Variants in MARCHF10 observed in about 807,000 individuals in gnomAD.
MARCHF10 encodes membrane associated ring-CH-type finger 10.
MARCHF10 carries 64 observed loss-of-function variants against 76.2 expected under a neutral mutation model. That is an observed-to-expected ratio of 0.84 (90% CI 0.69 to 1.03). MARCHF10 has a LOEUF of 1.03. MARCHF10 is among the 50% of genes least tolerant of loss of function. The pLI is 0.00. For missense variants in MARCHF10, 875 were observed against 958.0 expected (o/e 0.91, Z 1.14); for synonymous variants, 340 against 357.5 (o/e 0.95, Z 0.55).
At chr17:62,801,153 T>C (rs539059152) in intron 2 of MARCHF10, among the ~76,000 whole-genome samples, 1 of 151,896 alleles carries the variant, frequency 6.6e-6, no homozygotes, top group African/African-American at 2.4e-5. Flanking sequence ...CTCGTTTTTT[T>C]GTTTTTGTTT....
At chr17:62,798,568 G>A (rs547221614) in intron 2 of MARCHF10, among the ~76,000 whole-genome samples, 3 of 152,284 alleles carry the variant, frequency 2.0e-5, no homozygotes, top group Admixed American at 6.5e-5. Context: ...GGTTACTGAC[G>A]TTAGCAGAAG....
At chr17:62,797,102 G>C (rs2092998339) in intron 2 of MARCHF10, among the ~76,000 whole-genome samples, 1 of 152,246 alleles carries the variant, frequency 6.6e-6, no homozygotes, top group East Asian at 1.9e-4. Context: ...TGCAGTACTA[G>C]AGTGGTGGAA....
intron 3 of MARCHF10, among the ~76,000 whole-genome samples, chr17:62,763,730 TAAAAC>T (rs375400484): frequency 1.3e-3 from 195 of 152,038 alleles, no homozygotes; most frequent in African/African-American, 4.6e-3. Context: ...AAAACCAAAA[TAAAAC>T]AAAACCCAAC....
intron 9 of MARCHF10, chr17:62,707,360 G>A (rs35599051): frequency 0.023 from 3,551 of 151,512 alleles, 49 homozygotes; most frequent in Middle Eastern, 0.059. Context: ...GTCTCTGTGC[G>A]TTTCCATTTC....
chr17:62,722,924 G>C (rs2090562462), intron 7 of MARCHF10, among the ~76,000 whole-genome samples: 1 of 151,568 alleles, frequency 6.6e-6, no homozygotes, highest in Non-Finnish European at 1.5e-5. Flanking sequence ...CTGTAACACA[G>C]GTGTTTGTAA....
chr17:62,804,145 C>G (rs1390149185), intron 1 of MARCHF10, among the ~76,000 whole-genome samples: 2 of 152,164 alleles, frequency 1.3e-5, no homozygotes, highest in Admixed American at 1.3e-4. Context: ...GCCCAGGTTA[C>G]TGGCTTGAGC....
intron 8 of MARCHF10, among the ~76,000 whole-genome samples, chr17:62,716,441 A>G (rs1057031068): frequency 6.6e-6 from 1 of 151,708 alleles, no homozygotes; most frequent in African/African-American, 2.4e-5. Context: ...CAAAAAAAAA[A>G]AAAAAGAAAA....
At chr17:62,807,198 CTT>C (rs1206688303) in intron 1 of MARCHF10, among the ~76,000 whole-genome samples, 2 of 152,096 alleles carry the variant, frequency 1.3e-5, no homozygotes, top group African/African-American at 4.8e-5. Flanking sequence ...CTAAAAAAAA[CTT>C]TGCATTTTAA....
chr17:62,742,686 C>CTTTCTTT (rs200011720), intron 5 of MARCHF10, among the ~76,000 whole-genome samples: 1 of 108,336 alleles, frequency 9.2e-6, no homozygotes, highest in Non-Finnish European at 2.2e-5. Context: ...TCCTTCCTTC[C>CTTTCTTT]TTTCTTTTTT....
At chr17:62,749,997 T>C (rs1474471875) in intron 4 of MARCHF10, 2 of 152,322 alleles carry the variant, frequency 1.3e-5, no homozygotes, top group Non-Finnish European at 1.5e-5. Flanking sequence ...TGGGATTTTA[T>C]TGGTCGCTCG....
chr17:62,765,040 A>G (rs8080560), intron 3 of MARCHF10, among the ~76,000 whole-genome samples: 8,181 of 152,068 alleles, frequency 0.054, 745 homozygotes, highest in African/African-American at 0.19. Context: ...CTTGGTCTCC[A>G]TTTTGCCTGA....
At chr17:62,770,993 C>T (rs8065785) in intron 3 of MARCHF10, among the ~76,000 whole-genome samples, 5,832 of 150,756 alleles carry the variant, frequency 0.039, 391 homozygotes, top group African/African-American at 0.13. Context: ...GTAGCTGGGA[C>T]TACAGGCGCC....
rs60749607 is a variant in MARCHF10 at position 62,764,476 on chromosome 17, G to A, written c.211-4470C>T. Among the ~76,000 whole-genome samples the A allele has an allele frequency of 2.4e-4, 37 of 152,304 alleles. 1 individual carries two copies. The East Asian group carries it at 6.8e-3, about 28-fold the overall frequency. ...AGGCAAAGAGTAGTGTCAAGCTGGC[G>A]CCAGACTGTGTTGAGTACATTTGAA... On this transcript the variant is annotated intron_variant, in intron 3 of 10. Transcript: ENST00000311269.
intron 3 of MARCHF10, among the ~76,000 whole-genome samples, chr17:62,784,078 G>C (rs1402708097): frequency 1.3e-5 from 2 of 152,110 alleles, no homozygotes; most frequent in Non-Finnish European, 2.9e-5. Context: ...CAAAAAAAGA[G>C]AATTTTAGAC....
intron 1 of MARCHF10, among the ~76,000 whole-genome samples, chr17:62,804,200 G>A (rs146193292): frequency 1.8e-4 from 27 of 152,290 alleles, no homozygotes; most frequent in African/African-American, 6.3e-4. Context: ...AACACAGGAG[G>A]AGCTGCTTTG....
At chr17:62,787,253 T>C (rs2092761864) in intron 3 of MARCHF10, among the ~76,000 whole-genome samples, 1 of 152,202 alleles carries the variant, frequency 6.6e-6, no homozygotes, top group South Asian at 2.1e-4. Context: ...GGTATACATC[T>C]ACATCTATAA....
intron 1 of MARCHF10, among the ~76,000 whole-genome samples, chr17:62,803,558 C>T (rs998640158): frequency 2.5e-4 from 38 of 152,100 alleles, no homozygotes; most frequent in African/African-American, 8.4e-4. Context: ...CCTGCTCTGT[C>T]GCCCAGGCTG....
chr17:62,777,713 C>CA (rs386386400), intron 3 of MARCHF10, among the ~76,000 whole-genome samples: 986 of 59,520 alleles, frequency 0.017, 21 homozygotes, highest in African/African-American at 0.053. Context: ...GACTCCATCT[C>CA]AAAAAAAAAA....
chr17:62,774,530 C>G (rs1436944677), intron 3 of MARCHF10, among the ~76,000 whole-genome samples: 1 of 152,114 alleles, frequency 6.6e-6, no homozygotes, highest in African/African-American at 2.4e-5. Flanking sequence ...AGGACAGCCT[C>G]AAGGAAAAGC....
Sources: gnomAD v4.1 joint callset for allele counts (sites outside exome capture counted in the v4.1 genomes callset) on GRCh38, gnomAD v4.1.1 for gene constraint, MANE v1.5 for transcripts, NCBI Gene and HGNC (gene_info 2026-07-23, HGNC 2026-07-21) for gene names.